Variants in RHCE observed in about 807,000 individuals in gnomAD.
RHCE encodes blood group Rh(CE) polypeptide.
RHCE carries 22 observed loss-of-function variants against 43.8 expected under a neutral mutation model. The ratio of observed to expected loss-of-function variants is 0.50; its 90% CI spans 0.36 to 0.72. The LOEUF is 0.72. Ranked by LOEUF, RHCE falls within the 30% of genes least tolerant of loss-of-function variation. The probability of loss-of-function intolerance (pLI) is 0.00; values close to 1 mark genes in which losing one functional copy is unlikely to be tolerated. For synonymous variants in RHCE, 156 were observed against 210.7 expected (o/e 0.74, Z 2.25); for missense variants, 385 against 525.4 (o/e 0.73, Z 2.61).
rs1285130086 is a variant in RHCE at position 25,408,063 on chromosome 1, C to T, written c.335+620G>A. Among the ~76,000 whole-genome samples, 9 of 122,756 alleles carry T rather than the reference C, an allele frequency of 7.3e-5. 3 individuals are homozygous for T. The highest frequency in any genetic ancestry group is 1.3e-4 in the Non-Finnish European group (7 of 53,818). 80.5% of individuals were successfully genotyped at this position (122,756 alleles called of 152,430 possible). On this transcript the variant is annotated intron_variant, in intron 2 of 9. Transcript: ENST00000294413. The stretch of plus-strand genomic sequence containing the variant: ...AGCACTTTGGGAGGCCGAGGCAGGC[C>T]GGTCACCTGAGGTCAGGAGTTTGAG...
chr1:25,393,591 A>T (rs1238612519), intron 3 of RHCE, among the ~76,000 whole-genome samples: 1 of 152,088 alleles, frequency 6.6e-6, no homozygotes, highest in South Asian at 2.1e-4. Flanking sequence ...ACTGCACTCC[A>T]GCTTCGGCGA....
upstream of RHCE, among the ~76,000 whole-genome samples, chr1:25,423,191 G>C (rs621298): frequency 5.3e-5 from 8 of 152,248 alleles, no homozygotes; most frequent in East Asian, 1.9e-4. Flanking sequence ...TCCTGGTTCT[G>C]ATCTCTGCTC....
chr1:25,394,653 A>G (rs2124443155), intron 3 of RHCE, among the ~76,000 whole-genome samples: 1 of 152,306 alleles, frequency 6.6e-6, no homozygotes, highest in East Asian at 1.9e-4. Context: ...CTGCCACAAG[A>G]GTGCCTGGTA....
intron 7 of RHCE, among the ~76,000 whole-genome samples, chr1:25,380,717 C>A (rs544215259): frequency 0.069 from 10,524 of 151,940 alleles, 1,109 homozygotes; most frequent in African/African-American, 0.23. Flanking sequence ...ATGTGGGGAG[C>A]AGAGACCCAA....
At chr1:25,389,567 C>A (rs1253380330) in intron 5 of RHCE, among the ~76,000 whole-genome samples, 6 of 152,130 alleles carry the variant, frequency 3.9e-5, no homozygotes, top group Admixed American at 3.3e-4. Context: ...AGCCACTGCA[C>A]CTGGCCTAGA....
intron 1 of RHCE, among the ~76,000 whole-genome samples, chr1:25,410,670 G>A (rs1647045345): frequency 2.6e-5 from 4 of 152,040 alleles, no homozygotes; most frequent in Admixed American, 2.6e-4. Context: ...AAAGTGCTGG[G>A]ATTACAGGCA....
chr1:25,410,966 C>A (rs573826425), intron 1 of RHCE, among the ~76,000 whole-genome samples: 1 of 152,106 alleles, frequency 6.6e-6, no homozygotes, highest in East Asian at 1.9e-4. Context: ...GTGGCGGGCA[C>A]CTGTAATCCC....
intron 7 of RHCE, among the ~76,000 whole-genome samples, chr1:25,378,920 A>G (rs1282794555): frequency 6.6e-6 from 1 of 152,176 alleles, no homozygotes; most frequent in African/African-American, 2.4e-5. Context: ...AGTGGAAAAA[A>G]AGTACAGCAA....
At chr1:25,386,965 A>G (rs940505017) in intron 6 of RHCE, among the ~76,000 whole-genome samples, 1 of 152,160 alleles carries the variant, frequency 6.6e-6, no homozygotes, top group Non-Finnish European at 1.5e-5. Flanking sequence ...CAGGAGGTGG[A>G]GGTTGCAGTG....
intron 2 of RHCE, among the ~76,000 whole-genome samples, chr1:25,405,038 A>AG (rs58291262): frequency 0.012 from 1,858 of 150,556 alleles, 48 homozygotes; most frequent in African/African-American, 0.043. Context: ...AAAAAGCAAA[A>AG]AAAAAAAAAA....
At position 25,362,363 on chromosome 1, in the gene RHCE, T is replaced by G. The variant is rs1645424936; in HGVS notation, c.*164A>C. On this transcript the variant is annotated 3_prime_UTR_variant, in exon 10 of 10. Coordinates refer to ENST00000294413, the MANE Select transcript of RHCE (RefSeq NM_020485.8). ...TTATTAAATTGACTCTTAAACTAAGTTTTTAGTCTTTAATTTTTTAATATC... is the reference window on the plus strand; with the variant it reads ...TTATTAAATTGACTCTTAAACTAAGGTTTTAGTCTTTAATTTTTTAATATC... 1.3e-6 allele frequency: 2 copies of G among 1,499,536 alleles called. No individual in the cohort carries two copies. The highest frequency in any genetic ancestry group is 2.4e-5 in the South Asian group (2 of 81,832). The allele number at this position is 1,499,536 out of a possible 1,614,324, so 92.9% of individuals were successfully genotyped here.
At chr1:25,417,291 A>G (rs1647614896) in intron 1 of RHCE, among the ~76,000 whole-genome samples, 1 of 152,094 alleles carries the variant, frequency 6.6e-6, no homozygotes, top group Non-Finnish European at 1.5e-5. Context: ...ATAATCTATT[A>G]TAGTTTACCA....
At chr1:25,395,736 A>G (rs74060770) in intron 3 of RHCE, among the ~76,000 whole-genome samples, 9,167 of 152,306 alleles carry the variant, frequency 0.06, 855 homozygotes, top group African/African-American at 0.2. Flanking sequence ...ATAAACAAAT[A>G]CATAGATGAG....
At position 25,402,725 on chromosome 1, in the gene RHCE, A is replaced by G; in HGVS notation, c.357T>C (p.Ser119=). ...TLFSIRLATM[S]AMSVLISAGA... is the part of the protein sequence containing the mutation. ...CCGCTGAGATCAGCACCGACATAGCACTCATGGTGGCCAGCCGAATACTGG... is the reference window on the plus strand; with the variant it reads ...CCGCTGAGATCAGCACCGACATAGCGCTCATGGTGGCCAGCCGAATACTGG... Residue 119 remains serine (S), a synonymous_variant, in exon 3 of 10, where the codon AGT becomes AGC. Transcript: ENST00000294413. 2 of 1,614,044 alleles carry G rather than the reference A, an allele frequency of 1.2e-6. No homozygotes were observed. The highest frequency in any genetic ancestry group is 1.7e-6 in the Non-Finnish European group (2 of 1,180,008).
At chr1:25,419,548 C>T (rs1437744010) in intron 1 of RHCE, among the ~76,000 whole-genome samples, 8 of 152,154 alleles carry the variant, frequency 5.3e-5, no homozygotes, top group Non-Finnish European at 1.2e-4. Context: ...TCAACTTTGT[C>T]TCAGGGACAT....
chr1:25,403,589 G>C (rs1335293079), intron 2 of RHCE, among the ~76,000 whole-genome samples: 2 of 152,012 alleles, frequency 1.3e-5, no homozygotes, highest in Non-Finnish European at 2.9e-5. Context: ...TACACCATGA[G>C]CCTGTCAACT....
chr1:25,374,686 C>G (rs958846986), intron 8 of RHCE, among the ~76,000 whole-genome samples: 2 of 103,786 alleles, frequency 1.9e-5, no homozygotes, highest in Non-Finnish European at 3.9e-5. Context: ...ATGGAATGTT[C>G]TTCCCCTAAC....
intron 1 of RHCE, among the ~76,000 whole-genome samples, chr1:25,410,492 C>T (rs780406934): frequency 6.6e-6 from 1 of 150,888 alleles, no homozygotes; most frequent in Admixed American, 6.6e-5. Flanking sequence ...TGCAGTGGTG[C>T]GATCTCGGTT....
chr1:25,418,761 G>T (rs2042675369), intron 1 of RHCE, among the ~76,000 whole-genome samples: 1 of 152,222 alleles, frequency 6.6e-6, no homozygotes, highest in Non-Finnish European at 1.5e-5. Flanking sequence ...AGCTGGCTGG[G>T]CAGGCACCTC....
Sources: allele counts gnomAD v4.1 joint callset (sites outside exome capture counted in the v4.1 genomes callset), GRCh38; gene constraint gnomAD v4.1.1; transcripts MANE v1.5; gene names NCBI Gene and HGNC (gene_info 2026-07-23, HGNC 2026-07-21).